PKIA: variants seen among roughly 807,000 people sequenced by gnomAD.
The protein encoded by PKIA is PKI-alpha.
In PKIA, 4 loss-of-function variants were observed where a neutral mutation model predicts 7.6. The ratio of observed to expected loss-of-function variants is 0.52; its 90% CI spans 0.26 to 1.20. The LOEUF is 1.20. PKIA is among the 50% of genes most tolerant of loss of function. The pLI is 0.13. For missense variants in PKIA, 73 were observed against 86.2 expected (o/e 0.85, Z 0.61); for synonymous variants, 21 against 30.7 (o/e 0.68, Z 1.04).
At position 78,602,463 on chromosome 8, in the gene PKIA, A is replaced by G. The variant is rs1402903454; in HGVS notation, c.*642A>G. On this transcript the variant is annotated 3_prime_UTR_variant, in exon 4 of 4. Coordinates refer to ENST00000396418, the MANE Select transcript of PKIA (RefSeq NM_006823.4). ...AGTTTTCCATACTGTGGTGGTGTAC[A>G]CAGGATAGAACACCCTTTTTTAAAA... 1.3e-5 allele frequency: 2 copies of G among 152,344 alleles called. No homozygotes were observed. Among genetic ancestry groups the G allele is most frequent in the African/African-American group, 2.4e-5 (1 of 41,398 alleles). The allele number at this position is 152,344 out of a possible 1,614,324, so 9.4% of individuals were successfully genotyped here.
chr8:78,540,994 T>TTA (rs1806672801), intron 1 of PKIA, among the ~76,000 whole-genome samples: 1 of 151,958 alleles, frequency 6.6e-6, no homozygotes, highest in Non-Finnish European at 1.5e-5. Flanking sequence ...ATTGACAAAA[T>TTA]TATATATATA....
chr8:78,598,504 G>T lies in PKIA; in HGVS notation c.120G>T (p.Leu40Phe). ...SASGNSNELA[L>F]KLAGLDINKT... ...GTGGCAACAGCAATGAATTAGCCTT[G>T]AAATTAGCAGGTCTTGATATCAACA... The change falls in exon 3 of 4, where the codon TTG becomes TTT. Residue 40 changes from leucine to phenylalanine, a missense_variant. Leu to Phe is a conservative substitution (Grantham distance 22, BLOSUM62 0). Transcript: ENST00000396418. 6.2e-7 allele frequency: 1 copy of T among 1,611,056 alleles called. No individual in the cohort carries two copies. Among genetic ancestry groups the T allele is most frequent in the Non-Finnish European group, 8.5e-7 (1 of 1,178,106 alleles).
chr8:78,554,105 G>A (rs1254663870), intron 1 of PKIA, among the ~76,000 whole-genome samples: 5 of 151,990 alleles, frequency 3.3e-5, no homozygotes, highest in Non-Finnish European at 7.4e-5. Flanking sequence ...GGAGCAAGTC[G>A]TAGATCACAA....
At chr8:78,589,292 G>T (rs1347189859) in intron 2 of PKIA, among the ~76,000 whole-genome samples, 1 of 152,094 alleles carries the variant, frequency 6.6e-6, no homozygotes, top group Non-Finnish European at 1.5e-5. Flanking sequence ...AAGAAAGAAA[G>T]AAATTGTTTT....
intron 1 of PKIA, among the ~76,000 whole-genome samples, chr8:78,538,652 G>C (rs1585877827): frequency 6.6e-6 from 1 of 151,926 alleles, no homozygotes; most frequent in Non-Finnish European, 1.5e-5. Context: ...ACCTCATCTG[G>C]CAGCTCTTGG....
chr8:78,548,440 G>A (rs1412383248), intron 1 of PKIA, among the ~76,000 whole-genome samples: 1 of 152,112 alleles, frequency 6.6e-6, no homozygotes, highest in Non-Finnish European at 1.5e-5. Context: ...GGAATCTAGA[G>A]TATTACAGGA....
In PKIA at chr8:78,547,184, A is replaced by G. The variant is rs1333343765; in HGVS notation, c.-156-25627A>G. Among the ~76,000 whole-genome samples the G allele has an allele frequency of 3.3e-5, 5 of 152,162 alleles. No homozygotes were observed. In the East Asian group the frequency reaches 5.8e-4, roughly 18 times the overall value. On this transcript the variant is annotated intron_variant, in intron 1 of 3. Transcript: ENST00000396418. ...AGTGCAATGGCAACATCTCGGCTCA[A>G]TGCAACCTCTGCCTCCCAGGTTCAA...
intron 1 of PKIA, chr8:78,556,682 G>T (rs144243618): frequency 3.7e-4 from 56 of 152,116 alleles, no homozygotes; most frequent in African/African-American, 1.1e-3. Flanking sequence ...AAATATTACT[G>T]AACTTTGTTT....
Position 78,603,208 on chromosome 8 carries a change from C to T in PKIA, c.*1387C>T, listed in dbSNP as rs1808394499. 6.6e-6 allele frequency: 1 copy of T among 152,310 alleles called. No individual in the cohort carries two copies. Among genetic ancestry groups the T allele is most frequent in the Admixed American group, 6.6e-5 (1 of 15,210 alleles). 9.4% of individuals were successfully genotyped at this position (152,310 alleles called of 1,614,324 possible). On this transcript the variant is annotated 3_prime_UTR_variant, in exon 4 of 4. Transcript: ENST00000396418. ...TTTGTCAGTGGTAATAAATAAGGAA[C>T]CAGTAATATGCCAATGGTTCATGAA...
At chr8:78,519,443 AAAAAAT>A (rs1211249465) in intron 1 of PKIA, among the ~76,000 whole-genome samples, 1 of 152,154 alleles carries the variant, frequency 6.6e-6, no homozygotes, top group African/African-American at 2.4e-5. Flanking sequence ...GTCTCAAATT[AAAAAAT>A]AAAAACTTTT....
intron 1 of PKIA, among the ~76,000 whole-genome samples, chr8:78,551,727 T>C (rs1806988029): frequency 6.6e-6 from 1 of 152,008 alleles, no homozygotes; most frequent in South Asian, 2.1e-4. Flanking sequence ...ATCTGTTTCT[T>C]GGCAGAACCT....
In PKIA at chr8:78,598,391, G is replaced by A; in HGVS notation, c.7G>A (p.Asp3Asn). Reference protein sequence around the residue: MTDVETTYADFIA... With the variant: MTNVETTYADFIA... ...ATGTGGATATTTGGTAGCAATGACT[G>A]ATGTGGAAACTACATATGCAGATTT... Residue 3 changes from aspartate (D) to asparagine (N), a missense_variant, in exon 3 of 4, where the codon GAT becomes AAT. Asp to Asn is a conservative substitution (Grantham distance 23). Coordinates refer to ENST00000396418, the MANE Select transcript of PKIA (RefSeq NM_006823.4). The A allele has an allele frequency of 1.2e-6, 2 of 1,609,846 alleles. No homozygotes were observed. Among genetic ancestry groups the A allele is most frequent in the Non-Finnish European group, 1.7e-6 (2 of 1,177,246 alleles).
chr8:78,595,181 A>T (rs561375813), intron 2 of PKIA, among the ~76,000 whole-genome samples: 101 of 152,326 alleles, frequency 6.6e-4, no homozygotes, highest in African/African-American at 1.8e-3. Context: ...GAAAGTAAAG[A>T]TAACAGTAGA....
chr8:78,522,621 A>G (rs1375625081), intron 1 of PKIA, among the ~76,000 whole-genome samples: 1 of 151,972 alleles, frequency 6.6e-6, no homozygotes, highest in African/African-American at 2.4e-5. Context: ...GAAAAATGCT[A>G]TACACAAGTA....
intron 1 of PKIA, among the ~76,000 whole-genome samples, chr8:78,570,918 C>T (rs1238172618): frequency 6.6e-6 from 1 of 152,128 alleles, no homozygotes; most frequent in Non-Finnish European, 1.5e-5. Context: ...GCTAATATTT[C>T]TCACTTATTA....
intron 2 of PKIA, among the ~76,000 whole-genome samples, chr8:78,597,566 A>G (rs1808254049): frequency 6.6e-6 from 1 of 152,056 alleles, no homozygotes; most frequent in Non-Finnish European, 1.5e-5. Context: ...CCCTAGGATG[A>G]ACCACTTTTT....
intron 1 of PKIA, among the ~76,000 whole-genome samples, chr8:78,560,410 G>A (rs1463701135): frequency 1.3e-5 from 2 of 152,138 alleles, no homozygotes; most frequent in Non-Finnish European, 2.9e-5. Context: ...TTCACACCTT[G>A]AATCATTGCT....
At chr8:78,587,126 G>C (rs1273301884) in intron 2 of PKIA, among the ~76,000 whole-genome samples, 1 of 152,062 alleles carries the variant, frequency 6.6e-6, no homozygotes, top group Non-Finnish European at 1.5e-5. Flanking sequence ...GAGTTATTTT[G>C]ATAACTGTGT....
At chr8:78,548,510 G>C (rs762076613) in intron 1 of PKIA, among the ~76,000 whole-genome samples, 1 of 152,096 alleles carries the variant, frequency 6.6e-6, no homozygotes, top group Non-Finnish European at 1.5e-5. Context: ...TTAGCACCTT[G>C]GTTAAGTGGC....
Sources: gnomAD v4.1 joint callset for allele counts (sites outside exome capture counted in the v4.1 genomes callset) on GRCh38, gnomAD v4.1.1 for gene constraint, MANE v1.5 for transcripts, NCBI Gene and HGNC (gene_info 2026-07-23, HGNC 2026-07-21) for gene names.